SNTG1: variants seen among roughly 807,000 people sequenced by gnomAD.
SNTG1 encodes gamma-1-syntrophin.
Under a neutral mutation model 74.7 loss-of-function variants are expected in SNTG1, and 39 were observed. That is an observed-to-expected ratio of 0.52 (90% CI 0.40 to 0.68). The LOEUF is 0.68. Ranked by LOEUF, SNTG1 falls within the 30% of genes least tolerant of loss-of-function variation. The pLI, the probability that SNTG1 is intolerant of heterozygous loss-of-function variation, is 0.00. For synonymous variants in SNTG1, 254 were observed against 217.1 expected, an observed-to-expected ratio of 1.17 and a Z score of -1.49; for missense variants, 685 against 609.5, an observed-to-expected ratio of 1.12 and a Z score of -1.30.
chr8:50,701,619 G>GTTCTTCTTCTTCTTCTTCTTCTTC (rs1563761365), intron 15 of SNTG1, among the ~76,000 whole-genome samples: 18 of 114,724 alleles, frequency 1.6e-4, no homozygotes, highest in African/African-American at 8.1e-4. Context: ...CTTCTTCTTC[G>GTTCTTCTTCTTCTTCTTCTTCTTC]TGTTCCTCTT....
chr8:50,699,698 C>CA (rs776420293), intron 15 of SNTG1, among the ~76,000 whole-genome samples: 4 of 151,920 alleles, frequency 2.6e-5, no homozygotes, highest in Admixed American at 6.6e-5. Flanking sequence ...TTCCAGTTGG[C>CA]AAAAAAGTAT....
At chr8:50,075,896 G>A (rs1474554319) in intron 1 of SNTG1, among the ~76,000 whole-genome samples, 1 of 152,064 alleles carries the variant, frequency 6.6e-6, no homozygotes, top group African/African-American at 2.4e-5. Flanking sequence ...GAACACGTCA[G>A]AACATCAGAA....
intron 15 of SNTG1, among the ~76,000 whole-genome samples, chr8:50,675,698 T>C (rs1404658314): frequency 1.3e-5 from 2 of 152,114 alleles, no homozygotes; most frequent in African/African-American, 4.8e-5. Flanking sequence ...GATCCTGTCA[T>C]CATGATGTTA....
intron 15 of SNTG1, among the ~76,000 whole-genome samples, chr8:50,690,486 T>A (rs61843816): frequency 0.022 from 3,292 of 152,302 alleles, 99 homozygotes; most frequent in African/African-American, 0.071. Flanking sequence ...TCTTTATTTC[T>A]CCCTTCCTTT....
chr8:50,723,494 CATAGGCTTTT>C, intron 17 of SNTG1, among the ~76,000 whole-genome samples: 1 of 152,156 alleles, frequency 6.6e-6, no homozygotes, highest in East Asian at 1.9e-4. Flanking sequence ...TTGGGCATTT[CATAGGCTTTT>C]ATAAGCTCTC....
At chr8:49,991,703 A>G (rs928274205) in intron 1 of SNTG1, among the ~76,000 whole-genome samples, 4 of 152,230 alleles carry the variant, frequency 2.6e-5, no homozygotes, top group Non-Finnish European at 5.9e-5. Flanking sequence ...TAATCCAGTT[A>G]CAAAAGAGCA....
Position 50,230,013 on chromosome 8 carries a change from C to T in SNTG1, c.-28+57378C>T, listed in dbSNP as rs956005445. 3.4e-4 allele frequency among the ~76,000 whole-genome samples: 51 copies of T among 151,388 alleles called. 1 individual carries two copies. The highest frequency in any genetic ancestry group is 1.2e-4 in the Non-Finnish European group (8 of 67,494). Reference sequence around the variant, plus strand: ...GCCAAAGTAGATGACTCAAGACTAACTTAAAAATATTTTGACTTAAATGAA... The same window carrying T: ...GCCAAAGTAGATGACTCAAGACTAATTTAAAAATATTTTGACTTAAATGAA... On this transcript the variant is annotated intron_variant, in intron 2 of 18. Transcript: ENST00000642720.
At chr8:50,000,439 T>G (rs1814637404) in intron 1 of SNTG1, among the ~76,000 whole-genome samples, 1 of 152,194 alleles carries the variant, frequency 6.6e-6, no homozygotes, top group Admixed American at 6.6e-5. Context: ...GAATGGGTCT[T>G]ATTTTTTTAT....
At chr8:50,349,365 A>G (rs2091577325) in intron 2 of SNTG1, among the ~76,000 whole-genome samples, 1 of 152,026 alleles carries the variant, frequency 6.6e-6, no homozygotes, top group Non-Finnish European at 1.5e-5. Flanking sequence ...TTTTTAATCT[A>G]TATATTTTCT....
At chr8:50,125,902 C>T (rs1422218667) in intron 1 of SNTG1, among the ~76,000 whole-genome samples, 1 of 152,074 alleles carries the variant, frequency 6.6e-6, no homozygotes, top group East Asian at 1.9e-4. Flanking sequence ...ATATGGAATG[C>T]TATGTGTAGA....
At chr8:50,515,992 C>A (rs550571546) in intron 9 of SNTG1, among the ~76,000 whole-genome samples, 5 of 152,254 alleles carry the variant, frequency 3.3e-5, no homozygotes, top group African/African-American at 1.2e-4. Flanking sequence ...CCCCATGCCT[C>A]CTGACTGGGA....
chr8:50,213,773 G>T (rs994142365), intron 2 of SNTG1, among the ~76,000 whole-genome samples: 6 of 151,924 alleles, frequency 3.9e-5, no homozygotes, highest in Non-Finnish European at 8.8e-5. Flanking sequence ...TTTTGACGGG[G>T]TTGTCTGTTT....
chr8:50,763,906 C>A lies in SNTG1; in HGVS notation c.1395+11795C>A, dbSNP rs1238529353. Reference sequence around the variant, plus strand: ...ACACACACACACACACACACACACACAAAAATAACCAAGGCAATTCCTATA... The same window carrying A: ...ACACACACACACACACACACACACAAAAAAATAACCAAGGCAATTCCTATA... On this transcript the variant is annotated intron_variant, in intron 18 of 18. Transcript: ENST00000642720. 2.8e-3 allele frequency among the ~76,000 whole-genome samples: 184 copies of A among 66,406 alleles called. 2 individuals carry two copies. The highest frequency in any genetic ancestry group is 6.8e-3 in the East Asian group (11 of 1,608). 43.6% of individuals were successfully genotyped at this position (66,406 alleles called of 152,430 possible).
At chr8:50,127,357 AC>A (rs959711702) in intron 1 of SNTG1, among the ~76,000 whole-genome samples, 125 of 152,294 alleles carry the variant, frequency 8.2e-4, no homozygotes, top group African/African-American at 3.0e-3. Context: ...GAAGGTATGG[AC>A]TTACTTAGCA....
chr8:50,390,191 T>G (rs1162330489), intron 2 of SNTG1, among the ~76,000 whole-genome samples: 1 of 152,108 alleles, frequency 6.6e-6, no homozygotes, highest in Non-Finnish European at 1.5e-5. Context: ...TGCCTAGGTT[T>G]TCTTCTAGGG....
At chr8:50,429,182 G>A (rs1294149311) in intron 4 of SNTG1, among the ~76,000 whole-genome samples, 2 of 151,920 alleles carry the variant, frequency 1.3e-5, no homozygotes, top group Non-Finnish European at 2.9e-5. Context: ...ATTTCAAATA[G>A]CTAAAACAAT....
chr8:50,759,824 G>T (rs2095592743), intron 18 of SNTG1, among the ~76,000 whole-genome samples: 1 of 152,042 alleles, frequency 6.6e-6, no homozygotes, highest in East Asian at 1.9e-4. Flanking sequence ...TCCTGGCTAT[G>T]TGGGCTCTTT....
At chr8:50,302,844 T>C (rs1368509992) in intron 2 of SNTG1, among the ~76,000 whole-genome samples, 3 of 152,188 alleles carry the variant, frequency 2.0e-5, no homozygotes, top group African/African-American at 7.2e-5. Context: ...CTTTTCTTTA[T>C]AAATCACCCT....
intron 18 of SNTG1, among the ~76,000 whole-genome samples, chr8:50,766,258 T>C (rs964805063): frequency 3.3e-5 from 5 of 152,064 alleles, no homozygotes; most frequent in Non-Finnish European, 7.4e-5. Context: ...CTCTGATCTC[T>C]CTTTACCAGA....
Sources: allele counts gnomAD v4.1 joint callset (sites outside exome capture counted in the v4.1 genomes callset), GRCh38; gene constraint gnomAD v4.1.1; transcripts MANE v1.5; gene names NCBI Gene and HGNC (gene_info 2026-07-23, HGNC 2026-07-21).